Variants in HMGCLL1 observed in about 807,000 individuals in gnomAD.
The protein encoded by HMGCLL1 is 3-hydroxymethyl-3-methylglutaryl-CoA lyase, cytoplasmic.
Under a neutral mutation model 39.1 loss-of-function variants are expected in HMGCLL1, and 36 were observed. That is an observed-to-expected ratio of 0.92 (90% CI 0.71 to 1.22). The LOEUF (loss-of-function observed/expected upper bound fraction) is 1.22, where lower values mean the gene tolerates loss of function less well. HMGCLL1 is among the 50% of genes most tolerant of loss of function. HMGCLL1 has a pLI of 0.00. For synonymous variants in HMGCLL1, 149 were observed against 144.0 expected, an observed-to-expected ratio of 1.03 and a Z score of -0.25; for missense variants, 451 against 416.5, an observed-to-expected ratio of 1.08 and a Z score of -0.72.
rs1763309171 is a variant in HMGCLL1 at position 55,434,906 on chromosome 6, C to T, written c.*756G>A. 1 of 23,406 alleles carries T rather than the reference C, an allele frequency of 4.3e-5. No individual in the cohort carries two copies. Among genetic ancestry groups the T allele is most frequent in the Admixed American group, 6.4e-4 (1 of 1,568 alleles). 1.4% of individuals were successfully genotyped at this position (23,406 alleles called of 1,614,324 possible). A position where few individuals can be genotyped will look rare whatever the true frequency, so the allele number is the denominator to read the frequency against. ...CCTATTCTTATCACTGCAATTTAGA[C>T]ATCAGGACAAAAAAAAATAGCTTAC... On this transcript the variant is annotated 3_prime_UTR_variant, in exon 9 of 9. Coordinates refer to ENST00000274901, the MANE Select transcript of HMGCLL1 (RefSeq NM_001042406.2).
intron 7 of HMGCLL1, among the ~76,000 whole-genome samples, chr6:55,483,713 T>G (rs1363013149): frequency 6.6e-6 from 1 of 152,152 alleles, no homozygotes. Context: ...GAAATCCCGG[T>G]TCTACTATTT....
chr6:55,645,194 C>T, the HMGCLL1 span, among the ~76,000 whole-genome samples: 17 of 151,586 alleles, frequency 1.1e-4, no homozygotes, highest in East Asian at 3.3e-3. Flanking sequence ...ACTTCTTTTT[C>T]ACATTGATCA....
At chr6:55,580,632 G>GTCTCGATCTCCTGACC (rs1363548883), upstream of HMGCLL1, among the ~76,000 whole-genome samples, 1 of 151,896 alleles carries the variant, frequency 6.6e-6, no homozygotes, top group Non-Finnish European at 1.5e-5. Flanking sequence ...AGCCAGGATG[G>GTCTCGATCTCCTGACC]TCTCGATCTC....
the HMGCLL1 span, among the ~76,000 whole-genome samples, chr6:55,613,835 C>G: frequency 6.6e-6 from 1 of 151,966 alleles, no homozygotes; most frequent in African/African-American, 2.4e-5. Context: ...GGACTTAATA[C>G]CAAGGTGATG....
the HMGCLL1 span, among the ~76,000 whole-genome samples, chr6:55,642,428 G>A: frequency 1.3e-5 from 2 of 151,852 alleles, no homozygotes; most frequent in Non-Finnish European, 2.9e-5. Context: ...AAAATTATGA[G>A]TCAATCTGAA....
the HMGCLL1 span, among the ~76,000 whole-genome samples, chr6:55,665,976 G>A: frequency 3.2e-4 from 49 of 151,812 alleles, no homozygotes; most frequent in Middle Eastern, 3.4e-3. Context: ...GCCACATATT[G>A]TCTCACAATA....
At chr6:55,662,726 A>G in the HMGCLL1 span, among the ~76,000 whole-genome samples, 9 of 151,518 alleles carry the variant, frequency 5.9e-5, no homozygotes, top group Non-Finnish European at 1.0e-4. Flanking sequence ...CCTCCTCCTC[A>G]GTTTTTTTTG....
At position 55,575,421 on chromosome 6, in the gene HMGCLL1, A is replaced by G. The variant is rs140251357; in HGVS notation, c.108+3527T>C. On this transcript the variant is annotated intron_variant, in intron 1 of 8. Transcript: ENST00000274901. ...ACACACAATATTTAATTTAAGTCTA[A>G]TAATTCATCAGGGATATATTATCTC... 8.8e-3 allele frequency among the ~76,000 whole-genome samples: 1,338 copies of G among 152,232 alleles called. 28 individuals are homozygous for G. Among genetic ancestry groups the G allele is most frequent in the African/African-American group, 0.03 (1,258 of 41,558 alleles).
Position 55,529,913 on chromosome 6 carries a change from AAGGCATAG to A in HMGCLL1, c.297+11808_297+11815del, listed in dbSNP as rs1425593287. On this transcript the variant is annotated intron_variant, in intron 3 of 8. Transcript: ENST00000274901. ...GTGAGTGAATAAATGGAAACAATCC[AAGGCATAG>A]AGAGATGAAACTACTTCGCCAAATC... 6.6e-5 allele frequency among the ~76,000 whole-genome samples: 10 copies of A among 152,268 alleles called. 1 individual carries two copies. The highest frequency in any genetic ancestry group is 2.4e-4 in the African/African-American group (10 of 41,552).
At chr6:55,502,769 AT>A in intron 5 of HMGCLL1, among the ~76,000 whole-genome samples, 1 of 149,712 alleles carries the variant, frequency 6.7e-6, no homozygotes, top group East Asian at 2.0e-4. Context: ...CAAATACATG[AT>A]TTTGCTATTT....
At chr6:55,591,301 GGA>G in the HMGCLL1 span, among the ~76,000 whole-genome samples, 1 of 151,844 alleles carries the variant, frequency 6.6e-6, no homozygotes, top group Non-Finnish European at 1.5e-5. Flanking sequence ...GTACTATCCA[GGA>G]GAACATCATA....
intron 3 of HMGCLL1, among the ~76,000 whole-genome samples, chr6:55,521,535 C>T (rs9464258): frequency 0.68 from 103,369 of 151,830 alleles, 35,239 homozygotes; most frequent in Admixed American, 0.72. Context: ...TCTCACAATA[C>T]TTAAAACTTT....
At chr6:55,539,859 GAAGAAAGA>G (rs376526008) in intron 3 of HMGCLL1, among the ~76,000 whole-genome samples, 7,242 of 62,730 alleles carry the variant, frequency 0.12, 468 homozygotes, top group East Asian at 0.15. Flanking sequence ...AAAGAAAGAG[GAAGAAAGA>G]AAGAAAGAAA....
At chr6:55,566,515 A>G (rs1285572881) in intron 1 of HMGCLL1, 2 of 425,078 alleles carry the variant, frequency 4.7e-6, no homozygotes, top group Non-Finnish European at 4.7e-6. Context: ...ATTGGTGGAA[A>G]AAAGAGCCCG....
chr6:55,642,492 A>T, the HMGCLL1 span, among the ~76,000 whole-genome samples: 1 of 152,234 alleles, frequency 6.6e-6, no homozygotes, highest in African/African-American at 2.4e-5. Context: ...ATAGGCATAT[A>T]TATTTATGAG....
chr6:55,566,512 G>A lies in HMGCLL1; in HGVS notation c.108+12436C>T, dbSNP rs1285954525. On this transcript the variant is annotated intron_variant, in intron 1 of 8. Transcript: ENST00000274901. The stretch of plus-strand genomic sequence containing the variant: ...ACATTTGAGGCACTTACTATTGGTG[G>A]AAAAAAGAGCCCGAACACTGAATCC... 14 of 418,960 alleles carry A rather than the reference G, an allele frequency of 3.3e-5. No homozygotes were observed. The Admixed American group carries it at 3.7e-4, about 11-fold the overall frequency. 26.0% of individuals were successfully genotyped at this position (418,960 alleles called of 1,614,324 possible).
At chr6:55,647,744 C>CTTTTTTTTTTT in the HMGCLL1 span, among the ~76,000 whole-genome samples, 1 of 82,248 alleles carries the variant, frequency 1.2e-5, no homozygotes, top group Non-Finnish European at 2.3e-5. Context: ...TTTTTTTTTT[C>CTTTTTTTTTTT]CTTTTTTTTT....
the HMGCLL1 span, among the ~76,000 whole-genome samples, chr6:55,591,169 G>C: frequency 3.3e-5 from 5 of 151,972 alleles, no homozygotes; most frequent in Admixed American, 2.6e-4. Context: ...AGCTTCTTTA[G>C]AGCTAGAATT....
the HMGCLL1 span, among the ~76,000 whole-genome samples, chr6:55,664,091 G>GA: frequency 7.3e-5 from 11 of 151,710 alleles, no homozygotes; most frequent in Non-Finnish European, 1.5e-4. Flanking sequence ...GTCTCTTGAA[G>GA]ACAGCATACC....
Sources: allele counts gnomAD v4.1 joint callset (sites outside exome capture counted in the v4.1 genomes callset), GRCh38; gene constraint gnomAD v4.1.1; transcripts MANE v1.5; gene names NCBI Gene and HGNC (gene_info 2026-07-23, HGNC 2026-07-21).